Variants in LINGO2 observed in about 807,000 individuals in gnomAD.
The protein encoded by LINGO2 is leucine-rich repeat and immunoglobulin-like domain-containing nogo receptor-interacting protein 2.
LINGO2 carries 14 observed loss-of-function variants against 30.6 expected under a neutral mutation model. The ratio of observed to expected loss-of-function variants is 0.46; its 90% CI spans 0.30 to 0.72. LINGO2 has a LOEUF of 0.72. LINGO2 is among the 30% of genes least tolerant of loss of function. LINGO2 has a pLI of 0.07. For synonymous variants in LINGO2, 317 were observed against 288.5 expected, an observed-to-expected ratio of 1.10 and a Z score of -1.00; for missense variants, 729 against 751.7, an observed-to-expected ratio of 0.97 and a Z score of 0.35.
the LINGO2 span, among the ~76,000 whole-genome samples, chr9:28,895,422 C>CA: frequency 6.6e-6 from 1 of 152,110 alleles, no homozygotes; most frequent in African/African-American, 2.4e-5. Context: ...CAACCTTCCA[C>CA]AAAAAGTACT....
At chr9:29,172,491 CTT>C in the LINGO2 span, among the ~76,000 whole-genome samples, 3 of 151,856 alleles carry the variant, frequency 2.0e-5, no homozygotes, top group Admixed American at 6.6e-5. Context: ...AAAGCACTGT[CTT>C]AACATGAGAT....
the LINGO2 span, among the ~76,000 whole-genome samples, chr9:28,741,757 A>G: frequency 0.99 from 150,438 of 151,898 alleles, 74,533 homozygotes; most frequent in East Asian, 1. Flanking sequence ...CCTGATCCTG[A>G]GGCCTGTATC....
At chr9:28,394,034 T>G (rs1335363616) in intron 2 of LINGO2, among the ~76,000 whole-genome samples, 1 of 152,112 alleles carries the variant, frequency 6.6e-6, no homozygotes, top group African/African-American at 2.4e-5. Context: ...CCTATCAGTG[T>G]TTTTTGGGAT....
At chr9:28,883,628 GTATATATATATATATATATA>G in the LINGO2 span, among the ~76,000 whole-genome samples, 6,246 of 64,218 alleles carry the variant, frequency 0.097, 1,010 homozygotes, top group Admixed American at 0.23. Context: ...ATGTGTGTGT[GTATATATATATATATATATA>G]TATATATATA....
At chr9:28,992,943 C>T in the LINGO2 span, among the ~76,000 whole-genome samples, 2 of 151,238 alleles carry the variant, frequency 1.3e-5, no homozygotes, top group Admixed American at 6.6e-5. Flanking sequence ...CCTTACATCA[C>T]AATTAAAAGA....
the LINGO2 span, among the ~76,000 whole-genome samples, chr9:28,871,805 C>G: frequency 0.043 from 6,540 of 151,958 alleles, 216 homozygotes; most frequent in Admixed American, 0.085. Context: ...TATGTTGGAG[C>G]CTTACCTTCT....
chr9:29,019,283 C>T, the LINGO2 span, among the ~76,000 whole-genome samples: 3 of 152,070 alleles, frequency 2.0e-5, no homozygotes, highest in African/African-American at 7.2e-5. Flanking sequence ...TTGGTGTATG[C>T]TGTGAATGAA....
chr9:28,989,711 AT>A, the LINGO2 span, among the ~76,000 whole-genome samples: 1 of 152,328 alleles, frequency 6.6e-6, no homozygotes, highest in South Asian at 2.1e-4. Flanking sequence ...GTTTACCAAA[AT>A]ACACTGCCTC....
chr9:28,447,504 A>G (rs551102440), intron 2 of LINGO2, among the ~76,000 whole-genome samples: 8 of 152,156 alleles, frequency 5.3e-5, no homozygotes, highest in Non-Finnish European at 1.2e-4. Flanking sequence ...TAAGCCACAC[A>G]GTTTATTGTA....
At chr9:28,856,869 AT>A in the LINGO2 span, among the ~76,000 whole-genome samples, 2 of 152,070 alleles carry the variant, frequency 1.3e-5, no homozygotes, top group Non-Finnish European at 2.9e-5. Context: ...GATAGTAGAA[AT>A]ACAGAGAAGA....
At chr9:27,961,114 T>G (rs1587545470) in intron 5 of LINGO2, among the ~76,000 whole-genome samples, 1 of 152,216 alleles carries the variant, frequency 6.6e-6, no homozygotes, top group African/African-American at 2.4e-5. Flanking sequence ...ACATGAGATA[T>G]TCAATACTTT....
chr9:28,059,034 T>C (rs1225523104), intron 4 of LINGO2, among the ~76,000 whole-genome samples: 2 of 152,112 alleles, frequency 1.3e-5, no homozygotes, highest in African/African-American at 2.4e-5. Flanking sequence ...AAGTATTTTA[T>C]AATAGAAGTG....
chr9:28,603,527 C>T (rs116855003), intron 1 of LINGO2, among the ~76,000 whole-genome samples: 1,792 of 151,970 alleles, frequency 0.012, 20 homozygotes, highest in Non-Finnish European at 0.018. Context: ...ACCCACCAGA[C>T]CAAGGAGGAA....
chr9:29,065,880 C>A, the LINGO2 span, among the ~76,000 whole-genome samples: 54 of 151,826 alleles, frequency 3.6e-4, no homozygotes, highest in African/African-American at 1.2e-3. Context: ...ATATTTCCTT[C>A]CACATGTATT....
At chr9:28,198,706 G>A (rs557849572) in intron 4 of LINGO2, among the ~76,000 whole-genome samples, 4 of 152,020 alleles carry the variant, frequency 2.6e-5, no homozygotes, top group Non-Finnish European at 5.9e-5. Context: ...CAGTCAAAAA[G>A]ATCCTTTACA....
chr9:28,469,310 C>A (rs1247268018), intron 2 of LINGO2, among the ~76,000 whole-genome samples: 2 of 150,344 alleles, frequency 1.3e-5, no homozygotes, highest in African/African-American at 2.4e-5. Flanking sequence ...CAGAGCAGAA[C>A]CTAAGGGACT....
intron 4 of LINGO2, among the ~76,000 whole-genome samples, chr9:28,180,923 T>C (rs1193008394): frequency 6.6e-6 from 1 of 152,138 alleles, no homozygotes. Context: ...CATAGTCAAA[T>C]TGATAACCAT....
Position 27,958,759 on chromosome 9 carries a change from CCT to C in LINGO2, c.-35-8055_-35-8054del. ...CCACCAGGGAACTTGGAACGTATAC[CCT>C]GTGGTTAAGGGGGGACTACTGCAAT... On this transcript the variant is annotated intron_variant, in intron 5 of 5. Coordinates refer to ENST00000379992, the Ensembl canonical transcript of LINGO2. Among the ~76,000 whole-genome samples the C allele has an allele frequency of 2.7e-5, 4 of 149,360 alleles. 1 individual carries two copies. In the South Asian group the frequency reaches 8.3e-4, roughly 31 times the overall value.
chr9:27,940,268 G>T, the LINGO2 span: 4 of 152,082 alleles, frequency 2.6e-5, no homozygotes, highest in African/African-American at 9.7e-5. Context: ...GCCAATGACA[G>T]CGTTATAGAA....
Sources: allele counts gnomAD v4.1 joint callset (sites outside exome capture counted in the v4.1 genomes callset), GRCh38; gene constraint gnomAD v4.1.1; transcripts MANE v1.5; gene names NCBI Gene and HGNC (gene_info 2026-07-23, HGNC 2026-07-21).